The following COL16A1 variants were observed in gnomAD, a reference collection of about 807,000 sequenced individuals.
The protein encoded by COL16A1 is collagen type XVI alpha 1 chain.
A neutral mutation model predicts 266.3 loss-of-function variants in COL16A1; 189 were observed. That is an observed-to-expected ratio of 0.71 (90% confidence interval 0.63 to 0.80). The LOEUF is 0.80. Ranked by LOEUF, COL16A1 falls within the 30% of genes least tolerant of loss-of-function variation. The pLI, the probability that COL16A1 is intolerant of heterozygous loss-of-function variation, is 0.00. For synonymous variants in COL16A1, 740 were observed against 782.3 expected, an observed-to-expected ratio of 0.95 and a Z score of 0.90; for missense variants, 1,928 against 2,122.4, an observed-to-expected ratio of 0.91 and a Z score of 1.80.
At chr1:31,691,337 T>A (rs909215123) in intron 19 of COL16A1, 80 bp downstream of exon 19, 18 of 1,581,544 alleles carry the variant, frequency 1.1e-5, no homozygotes, top group Non-Finnish European at 1.4e-5. Flanking sequence ...GAGCCTTATC[T>A]TCCCCCCGTT....
rs565712561 is a variant in COL16A1 at position 31,685,495 on chromosome 1, G to A, written c.2016+144C>T. On this transcript the variant is annotated intron_variant, in intron 29 of 70. Coordinates refer to ENST00000373672, the MANE Select transcript of COL16A1 (RefSeq NM_001856.4). This position sits in a 1 kb window ranked among gnomAD's most constrained non-coding sequence, Gnocchi z 4.0. ...GAGACCTGTGAGGGCCGCTCCTGCT[G>A]GAGACAGAGGCTCTGACCCCGCCAC... The A allele has an allele frequency of 1.7e-5, 18 of 1,082,334 alleles. No homozygotes were observed. In the South Asian group the frequency reaches 1.8e-4, roughly 11 times the overall value. The allele number at this position is 1,082,334 out of a possible 1,614,324, so 67.0% of individuals were successfully genotyped here.
chr1:31,682,630 T>C (rs544109911), intron 37 of COL16A1, among the ~76,000 whole-genome samples: 1 of 152,368 alleles, frequency 6.6e-6, no homozygotes, highest in South Asian at 2.1e-4. Context: ...GGCCTTCAAC[T>C]TCCTGATCTA....
Position 31,685,113 on chromosome 1 carries a change from G to T in COL16A1, c.2017-257C>A, listed in dbSNP as rs1036884825. On this transcript the variant is annotated intron_variant, in intron 29 of 70. Coordinates refer to ENST00000373672, the MANE Select transcript of COL16A1 (RefSeq NM_001856.4). The surrounding 1 kb of genome is among the most constrained non-coding windows in gnomAD (Gnocchi z 4.0). ...AAATGGGGATGATAAAAATAGTATA[G>T]GCTTCTGCCCTGTAGGGATCCTGTG... Among the ~76,000 whole-genome samples the T allele has an allele frequency of 1.6e-4, 25 of 152,170 alleles. No homozygotes were observed. Among genetic ancestry groups the T allele is most frequent in the Non-Finnish European group, 2.5e-4 (17 of 68,036 alleles).
chr1:31,687,962 C>G (rs1421539020), intron 26 of COL16A1, among the ~76,000 whole-genome samples: 1 of 152,172 alleles, frequency 6.6e-6, no homozygotes, highest in Non-Finnish European at 1.5e-5. Flanking sequence ...AATTGAGTGA[C>G]CCACAGGCGT....
At chr1:31,683,159 C>T in intron 36 of COL16A1, 35 bp downstream of exon 36, 1 of 1,613,986 alleles carries the variant, frequency 6.2e-7, no homozygotes, top group Non-Finnish European at 8.5e-7. Flanking sequence ...CTCTGGAATA[C>T]TGCAGGCCCA....
Position 31,654,786 on chromosome 1 carries a change from A to G in COL16A1, c.4357+6T>C. Reference sequence around the variant, plus strand: ...ACCCACTGCCACCCAGCTGGCTGCCAGTTACCATCAAACATTTTAATGATC... The same window carrying G: ...ACCCACTGCCACCCAGCTGGCTGCCGGTTACCATCAAACATTTTAATGATC... On this transcript the variant is annotated splice_donor_region_variant and intron_variant, in intron 68 of 70. Transcript: ENST00000373672. 6.2e-7 allele frequency: 1 copy of G among 1,614,056 alleles called. No homozygotes were observed. Among genetic ancestry groups the G allele is most frequent in the South Asian group, 1.1e-5 (1 of 91,074 alleles).
chr1:31,654,971 CTTTTTTTTTTTTTTTTT>C lies in COL16A1; in HGVS notation c.4291-130_4291-114del, dbSNP rs10586841. On this transcript the variant is annotated intron_variant, in intron 67 of 70. Transcript: ENST00000373672. ...AGGTCCCAGGAGCCTCCCACAGATT[CTTTTTTTTTTTTTTTTT>C]TTTTTTTTTTTCTGAGACAGAGTCT... 11 of 414,404 alleles carry C rather than the reference CTTTTTTTTTTTTTTTTT, an allele frequency of 2.7e-5. No homozygotes were observed. The Admixed American group carries it at 3.5e-4, about 13-fold the overall frequency. The allele number at this position is 414,404 out of a possible 1,614,324, so 25.7% of individuals were successfully genotyped here. A position where few individuals can be genotyped will look rare whatever the true frequency, so the allele number is the denominator to read the frequency against.
chr1:31,672,546 T>A, intron 46 of COL16A1, 44 bp from the exon 47 acceptor site: 1 of 1,613,406 alleles, frequency 6.2e-7, no homozygotes, highest in East Asian at 2.2e-5. Flanking sequence ...TCAGGGCCTG[T>A]CCCTGTGGGG....
Position 31,670,746 on chromosome 1 carries a change from T to C in COL16A1, c.3151-100A>G. The C allele has an allele frequency of 1.6e-4, 148 of 903,772 alleles. No individual in the cohort carries two copies. Among genetic ancestry groups the C allele is most frequent in the Non-Finnish European group, 2.2e-4 (141 of 650,158 alleles). 56.0% of individuals were successfully genotyped at this position (903,772 alleles called of 1,614,324 possible). On this transcript the variant is annotated intron_variant, in intron 48 of 70. Transcript: ENST00000373672. The surrounding 1 kb of genome is among the most constrained non-coding windows in gnomAD (Gnocchi z 4.5). ...GCTTGGGGGTCATGGGGAGAGGAGGTCATGGGAGTATTTTCAAGGCAGCTG... is the reference window on the plus strand; with the variant it reads ...GCTTGGGGGTCATGGGGAGAGGAGGCCATGGGAGTATTTTCAAGGCAGCTG...
chr1:31,701,363 C>G (rs1472798880), intron 2 of COL16A1: 21 of 985,366 alleles, frequency 2.1e-5, no homozygotes, highest in Non-Finnish European at 2.5e-5. Flanking sequence ...TGTGCACATA[C>G]AAGGGGCAGG....
chr1:31,693,205 C>T (rs772207085), intron 12 of COL16A1, 51 bp from the exon 13 acceptor site: 9 of 1,251,574 alleles, frequency 7.2e-6, no homozygotes, highest in Non-Finnish European at 1.1e-5. Context: ...CACATGGGAG[C>T]CTTGAGAAAG....
At position 31,664,379 on chromosome 1, in the gene COL16A1, CGT is replaced by C. The variant is rs1163010026; in HGVS notation, c.3555+791_3555+792del. 6.6e-6 allele frequency among the ~76,000 whole-genome samples: 1 copy of C among 152,048 alleles called. No homozygotes were observed. Among genetic ancestry groups the C allele is most frequent in the Non-Finnish European group, 1.5e-5 (1 of 67,972 alleles). On this transcript the variant is annotated intron_variant, in intron 56 of 70. Transcript: ENST00000373672. The surrounding 1 kb of genome is among the most constrained non-coding windows in gnomAD (Gnocchi z 5.5). ...CAGTTTCCTCACCTGCACAGTGAGA[CGT>C]TCATGCGTGTGCTCTCAGGGGAAAG... is the stretch of plus-strand genomic sequence containing the variant.
At position 31,674,693 on chromosome 1, in the gene COL16A1, G is replaced by A. The variant is rs146571019; in HGVS notation, c.2859+314C>T. Reference sequence around the variant, plus strand: ...GCTTTGGAAGCTGCTGGGCTCTGCCGCAGGGTGACCCGGGTGCTACGGGGT... The same window carrying A: ...GCTTTGGAAGCTGCTGGGCTCTGCCACAGGGTGACCCGGGTGCTACGGGGT... On this transcript the variant is annotated intron_variant, in intron 44 of 70. Coordinates refer to ENST00000373672, the MANE Select transcript of COL16A1 (RefSeq NM_001856.4). 5.5e-3 allele frequency among the ~76,000 whole-genome samples: 837 copies of A among 152,302 alleles called. 3 individuals are homozygous for A. Among genetic ancestry groups the A allele is most frequent in the African/African-American group, 0.019 (779 of 41,550 alleles).
Position 31,656,959 on chromosome 1 carries a change from A to G in COL16A1, c.4056+74T>C. ...ATAGAAGGAATGTTTACTGAAAAAA[A>G]TGAAGAGGGGTCAGGGCAAGGCGAG... On this transcript the variant is annotated intron_variant, in intron 65 of 70. Transcript: ENST00000373672. This position sits in a 1 kb window ranked among gnomAD's most constrained non-coding sequence, Gnocchi z 4.2. 2 of 1,599,082 alleles carry G rather than the reference A, an allele frequency of 1.3e-6. No individual in the cohort carries two copies. The highest frequency in any genetic ancestry group is 2.2e-5 in the South Asian group (2 of 90,686).
chr1:31,675,562 G>T (rs779837573), intron 42 of COL16A1, among the ~76,000 whole-genome samples: 1 of 152,194 alleles, frequency 6.6e-6, no homozygotes, highest in Non-Finnish European at 1.5e-5. Context: ...TCAGAGGGAA[G>T]GTCAGAAATT....
intron 57 of COL16A1, 26 bp downstream of exon 57, chr1:31,662,561 G>A: frequency 6.4e-7 from 1 of 1,559,438 alleles, no homozygotes. Flanking sequence ...GCACACGTCT[G>A]CCACGCTGAA....
chr1:31,658,973 A>G lies in COL16A1; in HGVS notation c.3880-9T>C. 6.4e-7 allele frequency: 1 copy of G among 1,552,958 alleles called. No homozygotes were observed. Among genetic ancestry groups the G allele is most frequent in the Non-Finnish European group, 8.7e-7 (1 of 1,147,704 alleles). The stretch of plus-strand genomic sequence containing the variant: ...GGAGGCCCTGGTGGCCCCTAAAGAG[A>G]GATGAGTCAGTGGGATAGAAACAGG... On this transcript the variant is annotated splice_polypyrimidine_tract_variant and intron_variant, in intron 62 of 70. Coordinates refer to ENST00000373672, the MANE Select transcript of COL16A1 (RefSeq NM_001856.4).
Position 31,685,599 on chromosome 1 carries a change from C to A in COL16A1, c.2016+40G>T. The A allele has an allele frequency of 6.3e-7, 1 of 1,599,468 alleles. No homozygotes were observed. Among genetic ancestry groups the A allele is most frequent in the South Asian group, 1.1e-5 (1 of 89,746 alleles). On this transcript the variant is annotated intron_variant, in intron 29 of 70. Coordinates refer to ENST00000373672, the MANE Select transcript of COL16A1 (RefSeq NM_001856.4). This position sits in a 1 kb window ranked among gnomAD's most constrained non-coding sequence, Gnocchi z 4.0. ...CCTCCCCTCTCCTTAGCCCCGCCTG[C>A]ATCCCCCGTCCAGAGGCCCCTGCCT...
chr1:31,695,698 A>C, intron 10 of COL16A1, 63 bp downstream of exon 10: 3 of 1,552,026 alleles, frequency 1.9e-6, no homozygotes, highest in Non-Finnish European at 2.7e-6. Context: ...ATCCGTGCCC[A>C]AAGCCTGGTG....
Sources: allele counts gnomAD v4.1 joint callset (sites outside exome capture counted in the v4.1 genomes callset), GRCh38; gene constraint gnomAD v4.1.1; non-coding constraint Gnocchi (gnomAD v3.1); transcripts MANE v1.5; gene names NCBI Gene and HGNC (gene_info 2026-07-23, HGNC 2026-07-21).